The following CDH4 variants were observed in gnomAD, a reference collection of about 807,000 sequenced individuals.
The protein encoded by CDH4 is cadherin-4.
A neutral mutation model predicts 86.0 loss-of-function variants in CDH4; 33 were observed. The ratio of observed to expected loss-of-function variants is 0.38; its 90% CI spans 0.29 to 0.51. The LOEUF is 0.51. Ranked by LOEUF, CDH4 falls within the 20% of genes least tolerant of loss-of-function variation. The pLI, the probability that CDH4 is intolerant of heterozygous loss-of-function variation, is 0.86. For missense variants in CDH4, 1,114 were observed against 1,307.4 expected (o/e 0.85, Z 2.28); for synonymous variants, 555 against 549.4 (o/e 1.01, Z -0.14).
At chr20:61,844,923 C>T in intron 5 of CDH4, 100 bp downstream of exon 5, 1 of 1,222,528 alleles carries the variant, frequency 8.2e-7, no homozygotes, top group Non-Finnish European at 1.1e-6. Flanking sequence ...CCTGCCCTAA[C>T]TCTACAGGCA....
At chr20:61,354,184 C>G (rs1041960445) in intron 2 of CDH4, among the ~76,000 whole-genome samples, 1 of 152,104 alleles carries the variant, frequency 6.6e-6, no homozygotes, top group African/African-American at 2.4e-5. Context: ...CCCCCACCCC[C>G]CAGAGGCCCA....
intron 2 of CDH4, among the ~76,000 whole-genome samples, chr20:61,642,011 G>A (rs1382603755): frequency 6.3e-5 from 1 of 15,752 alleles, no homozygotes; most frequent in Admixed American, 5.3e-4. Context: ...GACCCACCAG[G>A]CACCACCAGG....
rs368173411 is a variant in CDH4 at position 61,269,350 on chromosome 20, C to T, written c.169+14413C>T. Among the ~76,000 whole-genome samples, 9 of 152,126 alleles carry T rather than the reference C, an allele frequency of 5.9e-5. No individual in the cohort carries two copies. The highest frequency in any genetic ancestry group is 1.4e-4 in the African/African-American group (6 of 41,426). On this transcript the variant is annotated intron_variant, in intron 2 of 15. Coordinates refer to ENST00000614565, the MANE Select transcript of CDH4 (RefSeq NM_001794.5). This position sits in a 1 kb window ranked among gnomAD's most constrained non-coding sequence, Gnocchi z 5.3. ...CTCTGTATCACCTTGGAACCAGCCCCCCATGGAGACCTGGTATACCCCGTT... is the reference window on the plus strand; with the variant it reads ...CTCTGTATCACCTTGGAACCAGCCCTCCATGGAGACCTGGTATACCCCGTT...
intron 11 of CDH4, among the ~76,000 whole-genome samples, chr20:61,925,881 C>G (rs1340365501): frequency 6.6e-6 from 1 of 152,130 alleles, no homozygotes; most frequent in African/African-American, 2.4e-5. Flanking sequence ...CTACTAAGGA[C>G]TTTCAGAAAG....
intron 2 of CDH4, among the ~76,000 whole-genome samples, chr20:61,371,282 C>G (rs2084838702): frequency 6.6e-6 from 1 of 152,138 alleles, no homozygotes; most frequent in Non-Finnish European, 1.5e-5. Flanking sequence ...GCCATCAGGG[C>G]CATTTGCCCT....
intron 2 of CDH4, among the ~76,000 whole-genome samples, chr20:61,508,268 C>T (rs2085755722): frequency 6.6e-6 from 1 of 152,232 alleles, no homozygotes; most frequent in African/African-American, 2.4e-5. Flanking sequence ...GTGCCCCCCA[C>T]TGAGTTGGGT....
intron 2 of CDH4, among the ~76,000 whole-genome samples, chr20:61,455,353 G>A (rs1458116066): frequency 1.3e-5 from 2 of 152,202 alleles, no homozygotes; most frequent in Admixed American, 6.5e-5. Flanking sequence ...ACAGCCCAGG[G>A]TGGGCTGGCA....
At position 61,680,734 on chromosome 20, in the gene CDH4, C is replaced by T. The variant is rs116613518; in HGVS notation, c.170-62829C>T. 4.0e-3 allele frequency among the ~76,000 whole-genome samples: 611 copies of T among 152,246 alleles called. 3 individuals are homozygous for T. Among genetic ancestry groups the T allele is most frequent in the African/African-American group, 0.014 (585 of 41,546 alleles). On this transcript the variant is annotated intron_variant, in intron 2 of 15. Transcript: ENST00000614565. Reference sequence around the variant, plus strand: ...GTTTCTGGGATCGTGGTAGTTGGAGCGTTGACTCTGTAGAGAATTCCGTCT... The same window carrying T: ...GTTTCTGGGATCGTGGTAGTTGGAGTGTTGACTCTGTAGAGAATTCCGTCT...
chr20:61,382,966 G>A (rs978392357), intron 2 of CDH4, among the ~76,000 whole-genome samples: 1 of 150,042 alleles, frequency 6.7e-6, no homozygotes, highest in Non-Finnish European at 1.5e-5. Context: ...CAAGTCAATC[G>A]GTACACAGAC....
intron 7 of CDH4, among the ~76,000 whole-genome samples, chr20:61,889,652 G>GA (rs1984714818): frequency 6.7e-6 from 1 of 148,222 alleles, no homozygotes; most frequent in Non-Finnish European, 1.5e-5. Context: ...GATGATGGAT[G>GA]GGTGGATGGA....
chr20:61,708,635 C>T lies in CDH4; in HGVS notation c.170-34928C>T, dbSNP rs371652876. On this transcript the variant is annotated intron_variant, in intron 2 of 15. Coordinates refer to ENST00000614565, the MANE Select transcript of CDH4 (RefSeq NM_001794.5). The surrounding 1 kb of genome is among the most constrained non-coding windows in gnomAD (Gnocchi z 4.5). The stretch of plus-strand genomic sequence containing the variant: ...TCTCCACCCTCCTGTGCCTGGAGCC[C>T]CTCCCAGACGTTTGCACCCCACCCC... 2.6e-5 allele frequency among the ~76,000 whole-genome samples: 4 copies of T among 152,216 alleles called. No homozygotes were observed. The East Asian group carries it at 7.8e-4, about 30-fold the overall frequency.
intron 4 of CDH4, among the ~76,000 whole-genome samples, chr20:61,798,648 A>AC (rs1053034614): frequency 6.6e-6 from 1 of 152,210 alleles, no homozygotes; most frequent in African/African-American, 2.4e-5. Flanking sequence ...GTACTCATGG[A>AC]CACCAGCACG....
chr20:61,725,186 C>T (rs1037465375), intron 2 of CDH4, among the ~76,000 whole-genome samples: 1 of 152,222 alleles, frequency 6.6e-6, no homozygotes, highest in African/African-American at 2.4e-5. Flanking sequence ...GTTGATGACA[C>T]TCATGTACAC....
At chr20:61,444,202 G>A (rs1395296690) in intron 2 of CDH4, among the ~76,000 whole-genome samples, 1 of 45,336 alleles carries the variant, frequency 2.2e-5, no homozygotes, top group Non-Finnish European at 5.2e-5. Context: ...GTGGGTGTCT[G>A]TGTATCTGTA....
intron 2 of CDH4, among the ~76,000 whole-genome samples, chr20:61,331,888 C>T (rs1313467745): frequency 6.6e-6 from 1 of 152,156 alleles, no homozygotes; most frequent in Non-Finnish European, 1.5e-5. Flanking sequence ...GCCTGGCACA[C>T]AGTAGGCGTG....
intron 2 of CDH4, among the ~76,000 whole-genome samples, chr20:61,431,695 A>G (rs1600972965): frequency 6.6e-6 from 1 of 152,134 alleles, no homozygotes; most frequent in East Asian, 1.9e-4. Flanking sequence ...TTAAGTGTAC[A>G]CTTTCATGAA....
At chr20:61,534,597 T>A (rs1291901980) in intron 2 of CDH4, among the ~76,000 whole-genome samples, 2 of 151,608 alleles carry the variant, frequency 1.3e-5, no homozygotes, top group African/African-American at 4.8e-5. Flanking sequence ...TGCTGTCCTC[T>A]CCTTCTGCAG....
chr20:61,637,667 A>G (rs2086961328), intron 2 of CDH4, among the ~76,000 whole-genome samples: 1 of 152,194 alleles, frequency 6.6e-6, no homozygotes, highest in Non-Finnish European at 1.5e-5. Context: ...TCTAAACCAT[A>G]TAAAATATTA....
intron 2 of CDH4, among the ~76,000 whole-genome samples, chr20:61,491,041 G>T (rs544300871): frequency 5.3e-5 from 8 of 152,334 alleles, no homozygotes; most frequent in Admixed American, 1.3e-4. Flanking sequence ...TGGGAACAAA[G>T]TGCCTTATTC....
Sources: gnomAD v4.1 joint callset for allele counts (sites outside exome capture counted in the v4.1 genomes callset) on GRCh38, gnomAD v4.1.1 for gene constraint, Gnocchi (gnomAD v3.1) non-coding constraint, MANE v1.5 for transcripts, NCBI Gene and HGNC (gene_info 2026-07-23, HGNC 2026-07-21) for gene names.